Variants in FYN observed in about 807,000 individuals in gnomAD.
The protein encoded by FYN is FYN proto-oncogene, Src family tyrosine kinase.
Under a neutral mutation model 70.2 loss-of-function variants are expected in FYN, and 10 were observed. The ratio of observed to expected loss-of-function variants is 0.14; its 90% CI spans 0.09 to 0.24. The LOEUF (loss-of-function observed/expected upper bound fraction) is 0.24, where lower values mean the gene tolerates loss of function less well. Among genes scored for constraint, FYN ranks in the 10% least tolerant of loss-of-function variants. The pLI, the probability that FYN is intolerant of heterozygous loss-of-function variation, is 1.00. For synonymous variants in FYN, 236 were observed against 248.6 expected (o/e 0.95, Z 0.48); for missense variants, 319 against 673.1 (o/e 0.47, Z 5.82).
intron 3 of FYN, among the ~76,000 whole-genome samples, chr6:111,769,100 G>A (rs1803340853): frequency 6.6e-6 from 1 of 152,200 alleles, no homozygotes; most frequent in African/African-American, 2.4e-5. Context: ...TCTGTGAATA[G>A]TGAGGTTGAC....
intron 2 of FYN, among the ~76,000 whole-genome samples, chr6:111,834,957 T>C (rs1036609188): frequency 7.2e-5 from 11 of 152,158 alleles, no homozygotes; most frequent in African/African-American, 2.7e-4. Context: ...CCTATCCCCA[T>C]TTTAAGAGTA....
At chr6:111,773,518 TGA>T (rs1159725881) in intron 3 of FYN, among the ~76,000 whole-genome samples, 2 of 16,350 alleles carry the variant, frequency 1.2e-4, no homozygotes, top group Non-Finnish European at 2.2e-4. Flanking sequence ...GGAGAGCGGG[TGA>T]GAGAGAGGGG....
chr6:111,750,145 C>G (rs1158995506), intron 3 of FYN, among the ~76,000 whole-genome samples: 2 of 152,198 alleles, frequency 1.3e-5, no homozygotes, highest in Non-Finnish European at 2.9e-5. Flanking sequence ...ATAACCGATA[C>G]AGTTTGCATG....
At chr6:111,761,365 A>G (rs1353645845) in intron 3 of FYN, among the ~76,000 whole-genome samples, 2 of 152,196 alleles carry the variant, frequency 1.3e-5, no homozygotes, top group Non-Finnish European at 2.9e-5. Context: ...TGTACTGCCA[A>G]AAGATTTCAG....
At chr6:111,737,472 C>T (rs1801758748) in intron 3 of FYN, among the ~76,000 whole-genome samples, 1 of 152,148 alleles carries the variant, frequency 6.6e-6, no homozygotes, top group Non-Finnish European at 1.5e-5. Context: ...ATGTTTACTA[C>T]TTCATTATAA....
chr6:111,699,690 TAAAGAAAACACAGTC>T (rs767241833), intron 9 of FYN: 1 of 1,606,570 alleles, frequency 6.2e-7, no homozygotes, highest in Non-Finnish European at 8.5e-7. Flanking sequence ...AGGGAATTAA[TAAAGAAAACACAGTC>T]CTTATAATCC....
At chr6:111,792,550 C>A (rs879275892) in intron 2 of FYN, among the ~76,000 whole-genome samples, 2 of 152,212 alleles carry the variant, frequency 1.3e-5, no homozygotes, top group Non-Finnish European at 2.9e-5. Context: ...CAGCCCCAAA[C>A]TCGAAATAAC....
At chr6:111,682,989 CAGAAGAGGAAA>C (rs1236440928) in intron 12 of FYN, among the ~76,000 whole-genome samples, 1 of 152,200 alleles carries the variant, frequency 6.6e-6, no homozygotes, top group Non-Finnish European at 1.5e-5. Flanking sequence ...CTCCAAACAT[CAGAAGAGGAAA>C]AGAAGATGAA....
At chr6:111,858,639 A>G (rs1773883549) in intron 1 of FYN, among the ~76,000 whole-genome samples, 1 of 152,190 alleles carries the variant, frequency 6.6e-6, no homozygotes, top group Non-Finnish European at 1.5e-5. Context: ...CAAAAGCTGA[A>G]CAATGTCTTC....
intron 2 of FYN, among the ~76,000 whole-genome samples, chr6:111,805,733 T>C (rs1442678082): frequency 1.3e-5 from 2 of 152,170 alleles, no homozygotes; most frequent in Non-Finnish European, 2.9e-5. Context: ...AATTAACTCA[T>C]ACACATGCAT....
chr6:111,853,091 C>T (rs1773729446), intron 1 of FYN, among the ~76,000 whole-genome samples: 1 of 145,918 alleles, frequency 6.9e-6, no homozygotes, highest in Non-Finnish European at 1.5e-5. Flanking sequence ...CAGAGCAGCA[C>T]CTTTCCAAAT....
At chr6:111,730,845 G>C (rs78444204) in intron 3 of FYN, among the ~76,000 whole-genome samples, 1 of 148,650 alleles carries the variant, frequency 6.7e-6, no homozygotes, top group South Asian at 2.1e-4. Flanking sequence ...ATCAACCAGA[G>C]AAAAAGAGAA....
At chr6:111,775,472 G>A (rs766281754) in intron 3 of FYN, among the ~76,000 whole-genome samples, 1 of 152,180 alleles carries the variant, frequency 6.6e-6, no homozygotes, top group African/African-American at 2.4e-5. Flanking sequence ...CAGTAACACA[G>A]AAGTTGACAC....
chr6:111,726,151 A>G (rs1238010117), intron 3 of FYN, among the ~76,000 whole-genome samples: 1 of 152,226 alleles, frequency 6.6e-6, no homozygotes, highest in Non-Finnish European at 1.5e-5. Context: ...ATAATCAGCT[A>G]ACATTTGATT....
chr6:111,783,964 G>C (rs1262443445), intron 2 of FYN, among the ~76,000 whole-genome samples: 1 of 152,132 alleles, frequency 6.6e-6, no homozygotes, highest in South Asian at 2.1e-4. Context: ...GAGAAGCATC[G>C]ATCCAAGAGA....
chr6:111,751,769 C>T (rs1468096615), intron 3 of FYN, among the ~76,000 whole-genome samples: 1 of 152,104 alleles, frequency 6.6e-6, no homozygotes, highest in Non-Finnish European at 1.5e-5. Flanking sequence ...TACAGTTGTG[C>T]ACCACCACAT....
At chr6:111,725,467 C>T (rs910792717) in intron 3 of FYN, among the ~76,000 whole-genome samples, 9 of 152,152 alleles carry the variant, frequency 5.9e-5, no homozygotes, top group African/African-American at 1.9e-4. Context: ...TGGGGACAGA[C>T]GGGACAGAAG....
chr6:111,821,345 C>T lies in FYN; in HGVS notation c.-82+25244G>A, dbSNP rs535876907. Among the ~76,000 whole-genome samples the T allele has an allele frequency of 5.9e-5, 9 of 152,288 alleles. No homozygotes were observed. In the South Asian group the frequency reaches 1.7e-3, roughly 28 times the overall value. ...AATAATACCACACATCTACAACCAT[C>T]TGATCTTTGACAAACCTGACAAAAA... On this transcript the variant is annotated intron_variant, in intron 2 of 13. Transcript: ENST00000354650.
chr6:111,712,688 CA>C (rs1244054472), intron 5 of FYN, among the ~76,000 whole-genome samples: 1 of 152,194 alleles, frequency 6.6e-6, no homozygotes, highest in Non-Finnish European at 1.5e-5. Context: ...TAACTTAGCT[CA>C]TGGCTGGTAC....
Sources: gnomAD v4.1 joint callset for allele counts (sites outside exome capture counted in the v4.1 genomes callset) on GRCh38, gnomAD v4.1.1 for gene constraint, MANE v1.5 for transcripts, NCBI Gene and HGNC (gene_info 2026-07-23, HGNC 2026-07-21) for gene names.